The following MAPDA variants were observed in gnomAD, a reference collection of about 807,000 sequenced individuals.
MAPDA encodes the protein N6-Methyl-AMP deaminase.
chr15:43,340,171 T>G, the MAPDA span: 1 of 1,108,410 alleles, frequency 9.0e-7, no homozygotes, highest in African/African-American at 1.6e-5. Flanking sequence ...GCAAATCAGA[T>G]TTAATGAATA....
At chr15:43,338,748 T>G in the MAPDA span, among the ~76,000 whole-genome samples, 3 of 152,244 alleles carry the variant, frequency 2.0e-5, no homozygotes, top group Non-Finnish European at 4.4e-5. Flanking sequence ...GGGCTAAATC[T>G]GGCAAACACA....
chr15:43,339,045 T>C, the MAPDA span, among the ~76,000 whole-genome samples: 1 of 152,332 alleles, frequency 6.6e-6, no homozygotes, highest in East Asian at 1.9e-4. Context: ...GTGGGTCTGT[T>C]CTGTTCTGGG....
At chr15:43,350,831 CTACTT>C in the MAPDA span, 8 of 891,374 alleles carry the variant, frequency 9.0e-6, no homozygotes, top group African/African-American at 5.1e-5. Flanking sequence ...AACTAATAAA[CTACTT>C]TAAATTAGCA....
At chr15:43,335,046 A>G in the MAPDA span, 11 of 1,529,332 alleles carry the variant, frequency 7.2e-6, no homozygotes, top group Non-Finnish European at 9.0e-6. Context: ...TACTGACTGA[A>G]ATACATCATA....
At chr15:43,343,660 G>A in the MAPDA span, among the ~76,000 whole-genome samples, 1 of 151,970 alleles carries the variant, frequency 6.6e-6, no homozygotes, top group Non-Finnish European at 1.5e-5. Flanking sequence ...ACAAGATTAG[G>A]AATTATCTTG....
the MAPDA span, chr15:43,336,616 C>T: frequency 1.3e-6 from 2 of 1,561,602 alleles, no homozygotes; most frequent in Non-Finnish European, 8.6e-7. Flanking sequence ...ACTTTTCATT[C>T]ATGTTGCAGA....
chr15:43,333,082 G>A, the MAPDA span, among the ~76,000 whole-genome samples: 1 of 152,100 alleles, frequency 6.6e-6, no homozygotes, highest in African/African-American at 2.4e-5. Flanking sequence ...TCAGTCTGGA[G>A]GATGGTTTGA....
chr15:43,351,466 G>A, the MAPDA span: 1 of 410,042 alleles, frequency 2.4e-6, no homozygotes, highest in Non-Finnish European at 4.3e-6. Flanking sequence ...CATCCCATGA[G>A]ATTCTGTTTT....
At chr15:43,334,264 C>A in the MAPDA span, among the ~76,000 whole-genome samples, 3 of 152,120 alleles carry the variant, frequency 2.0e-5, no homozygotes, top group African/African-American at 7.2e-5. Flanking sequence ...GGTAAAAGGA[C>A]AAACCTAGGT....
chr15:43,339,610 A>G, the MAPDA span, among the ~76,000 whole-genome samples: 1 of 152,280 alleles, frequency 6.6e-6, no homozygotes, highest in South Asian at 2.1e-4. Flanking sequence ...TTTTTCTTCT[A>G]GATTTTTTAG....
chr15:43,348,707 C>A, the MAPDA span, among the ~76,000 whole-genome samples: 1 of 152,062 alleles, frequency 6.6e-6, no homozygotes, highest in Non-Finnish European at 1.5e-5. Context: ...TTATTATTAT[C>A]ATTGAAATGA....
the MAPDA span, among the ~76,000 whole-genome samples, chr15:43,339,124 G>A: frequency 6.6e-6 from 1 of 152,180 alleles, no homozygotes; most frequent in African/African-American, 2.4e-5. Flanking sequence ...TGGTGTCAGT[G>A]ACAGCAAGAG....
the MAPDA span, among the ~76,000 whole-genome samples, chr15:43,343,782 G>A: frequency 6.6e-6 from 1 of 151,766 alleles, no homozygotes; most frequent in Non-Finnish European, 1.5e-5. Context: ...TAGGTACATA[G>A]TATGGGCTCA....
chr15:43,347,256 C>T, the MAPDA span, among the ~76,000 whole-genome samples: 4 of 152,170 alleles, frequency 2.6e-5, no homozygotes, highest in African/African-American at 9.7e-5. Context: ...TGACTTGCTT[C>T]AGTCTCTACT....
At chr15:43,346,866 A>C in the MAPDA span, 4 of 624,560 alleles carry the variant, frequency 6.4e-6, no homozygotes, top group East Asian at 2.8e-5. Context: ...AGTGGCTCGC[A>C]CATTGTAGGT....
chr15:43,336,778 A>G, the MAPDA span: 4 of 1,025,466 alleles, frequency 3.9e-6, no homozygotes, highest in Non-Finnish European at 5.5e-6. Flanking sequence ...TGCTCTCATT[A>G]AGAGTGATGA....
chr15:43,346,241 G>A, the MAPDA span, among the ~76,000 whole-genome samples: 1 of 152,148 alleles, frequency 6.6e-6, no homozygotes, highest in African/African-American at 2.4e-5. Context: ...TCTAAAGATG[G>A]TGCACAACTA....
the MAPDA span, chr15:43,349,121 G>A: frequency 3.7e-6 from 6 of 1,604,384 alleles, no homozygotes; most frequent in Non-Finnish European, 5.1e-6. Flanking sequence ...GGGGATTACA[G>A]AGAAGTACTG....
At chr15:43,341,671 C>CA in the MAPDA span, among the ~76,000 whole-genome samples, 1,566 of 151,908 alleles carry the variant, frequency 0.01, 26 homozygotes, top group African/African-American at 0.034. Context: ...AGACCCCCCC[C>CA]ACCTCTATGG....
Sources: allele counts gnomAD v4.1 joint callset (sites outside exome capture counted in the v4.1 genomes callset), GRCh38; gene constraint gnomAD v4.1.1; transcripts MANE v1.5; gene names NCBI Gene and HGNC (gene_info 2026-07-23, HGNC 2026-07-21).